MMRN1: variants seen among roughly 807,000 people sequenced by gnomAD.
MMRN1 encodes multimerin 1.
MMRN1 carries 94 observed loss-of-function variants against 100.7 expected under a neutral mutation model. The ratio of observed to expected loss-of-function variants is 0.93; its 90% CI spans 0.79 to 1.11. The LOEUF (loss-of-function observed/expected upper bound fraction) is 1.11. Ranked by LOEUF, MMRN1 falls within the 50% of genes least tolerant of loss-of-function variation. The pLI is 0.00. For missense variants in MMRN1, 1,606 were observed against 1,439.1 expected (o/e 1.12, Z -1.88); for synonymous variants, 575 against 505.0 (o/e 1.14, Z -1.86).
intron 4 of MMRN1, among the ~76,000 whole-genome samples, chr4:89,925,126 A>G (rs1578486537): frequency 6.6e-6 from 1 of 151,398 alleles, no homozygotes; most frequent in East Asian, 1.9e-4. Context: ...TTCTTTTGCT[A>G]TTCTTTTTTA....
upstream of MMRN1, among the ~76,000 whole-genome samples, chr4:89,889,930 C>T (rs1721014010): frequency 6.6e-6 from 1 of 152,146 alleles, no homozygotes; most frequent in African/African-American, 2.4e-5. Context: ...TCTTTCCAAC[C>T]TCTTGCCTTA....
chr4:89,920,828 T>G (rs148957950), intron 3 of MMRN1, among the ~76,000 whole-genome samples: 3,702 of 152,102 alleles, frequency 0.024, 134 homozygotes, highest in African/African-American at 0.081. Context: ...TTGTTTGTTT[T>G]TTTTAAATAC....
chr4:89,930,923 A>G (rs924789033), intron 5 of MMRN1, among the ~76,000 whole-genome samples: 11 of 152,144 alleles, frequency 7.2e-5, no homozygotes, highest in Non-Finnish European at 1.5e-5. Context: ...GTTATTTGAT[A>G]CAAAAGCTAG....
intron 6 of MMRN1, among the ~76,000 whole-genome samples, chr4:89,938,476 C>CATAT (rs372673572): frequency 0.018 from 2,260 of 123,360 alleles, 19 homozygotes; most frequent in South Asian, 0.023. Context: ...ATTTTTTAAA[C>CATAT]ATATATATAT....
At chr4:89,934,011 A>G (rs1315576759) in intron 5 of MMRN1, among the ~76,000 whole-genome samples, 1 of 151,876 alleles carries the variant, frequency 6.6e-6, no homozygotes, top group African/African-American at 2.4e-5. Context: ...AGTCCAGTAC[A>G]CTTTTCCTGT....
chr4:89,954,181 G>A lies in MMRN1; in HGVS notation c.*763G>A, dbSNP rs1324448286. The A allele has an allele frequency of 6.6e-6, 1 of 152,032 alleles. No individual in the cohort carries two copies. The allele number at this position is 152,032 out of a possible 1,614,324, so 9.4% of individuals were successfully genotyped here. On this transcript the variant is annotated 3_prime_UTR_variant, in exon 8 of 8. Coordinates refer to ENST00000264790, the MANE Select transcript of MMRN1 (RefSeq NM_007351.3). Reference sequence around the variant, plus strand: ...AGATCTGCCCTTCTTCTTCTAAAGGGTAAGTCATAATCTGTGTAATACTAC... The same window carrying A: ...AGATCTGCCCTTCTTCTTCTAAAGGATAAGTCATAATCTGTGTAATACTAC...
At chr4:89,911,535 T>C (rs534801719) in intron 2 of MMRN1, among the ~76,000 whole-genome samples, 11 of 151,492 alleles carry the variant, frequency 7.3e-5, no homozygotes, top group Admixed American at 6.6e-5. Flanking sequence ...TTGATACTGA[T>C]CTGGAGGAAA....
intron 4 of MMRN1, among the ~76,000 whole-genome samples, chr4:89,925,943 C>T (rs1163671798): frequency 9.2e-5 from 14 of 152,164 alleles, no homozygotes; most frequent in Admixed American, 8.5e-4. Context: ...ATCTCCAGTT[C>T]CATCCATGTT....
At chr4:89,904,495 A>T (rs1721497010) in intron 1 of MMRN1, among the ~76,000 whole-genome samples, 1 of 151,680 alleles carries the variant, frequency 6.6e-6, no homozygotes, top group Non-Finnish European at 1.5e-5. Flanking sequence ...TGTCTCTATG[A>T]ATTTAACCAC....
At chr4:89,938,566 A>G (rs1430701890) in intron 6 of MMRN1, among the ~76,000 whole-genome samples, 2 of 148,528 alleles carry the variant, frequency 1.3e-5, no homozygotes, top group Non-Finnish European at 3.0e-5. Context: ...AATAGCCTCA[A>G]ATAAATTGAG....
intron 1 of MMRN1, among the ~76,000 whole-genome samples, chr4:89,907,829 G>GC: frequency 7.2e-6 from 1 of 139,350 alleles, no homozygotes; most frequent in East Asian, 2.0e-4. Context: ...CTGTTTTTTT[G>GC]TTTTTTTTTT....
chr4:89,925,779 C>T (rs1280460660), intron 4 of MMRN1, among the ~76,000 whole-genome samples: 3 of 151,984 alleles, frequency 2.0e-5, no homozygotes, highest in Non-Finnish European at 4.4e-5. Context: ...CCCCACCTCA[C>T]TCCAATCAGC....
At chr4:89,917,302 A>G (rs1578481138) in intron 3 of MMRN1, among the ~76,000 whole-genome samples, 1 of 151,894 alleles carries the variant, frequency 6.6e-6, no homozygotes, top group East Asian at 1.9e-4. Context: ...ACTATTTATA[A>G]TAAAGCTTTA....
chr4:89,947,721 G>A (rs1439506228), intron 6 of MMRN1, among the ~76,000 whole-genome samples: 1 of 152,180 alleles, frequency 6.6e-6, no homozygotes, highest in Non-Finnish European at 1.5e-5. Flanking sequence ...TTTGATTTTT[G>A]TTGGTAATTC....
chr4:89,894,571 A>G (rs1268312330), upstream of MMRN1, among the ~76,000 whole-genome samples: 2 of 152,192 alleles, frequency 1.3e-5, no homozygotes, highest in Non-Finnish European at 2.9e-5. Flanking sequence ...GCCTATATCA[A>G]CAAAATTTTG....
intron 5 of MMRN1, 134 bp downstream of exon 5, chr4:89,928,102 T>C (rs770420067): frequency 3.2e-6 from 2 of 625,706 alleles, no homozygotes; most frequent in Non-Finnish European, 5.2e-6. Context: ...TTTTTTTTAA[T>C]GAGATATAAA....
chr4:89,942,019 T>C (rs17016396), intron 6 of MMRN1, among the ~76,000 whole-genome samples: 15,913 of 152,162 alleles, frequency 0.1, 1,122 homozygotes, highest in East Asian at 0.28. Flanking sequence ...TGTCACCTTG[T>C]CCTCAATAAA....
chr4:89,943,700 G>C (rs1453724713), intron 6 of MMRN1, among the ~76,000 whole-genome samples: 1 of 152,112 alleles, frequency 6.6e-6, no homozygotes, highest in African/African-American at 2.4e-5. Context: ...AGAAGAATTT[G>C]ATAGTGAGGC....
intron 1 of MMRN1, among the ~76,000 whole-genome samples, chr4:89,908,466 G>A (rs6858193): frequency 0.082 from 12,399 of 151,402 alleles, 912 homozygotes; most frequent in East Asian, 0.3. Context: ...AGATTAATTT[G>A]AGGAAAATTG....
Sources: allele counts gnomAD v4.1 joint callset (sites outside exome capture counted in the v4.1 genomes callset), GRCh38; gene constraint gnomAD v4.1.1; transcripts MANE v1.5; gene names NCBI Gene and HGNC (gene_info 2026-07-23, HGNC 2026-07-21).